The following TRAK1 variants were observed in gnomAD, a reference collection of about 807,000 sequenced individuals.
TRAK1 encodes trafficking kinesin protein 1.
TRAK1 carries 33 observed loss-of-function variants against 92.1 expected under a neutral mutation model. The ratio of observed to expected loss-of-function variants is 0.36; its 90% confidence interval spans 0.27 to 0.48. TRAK1 has a LOEUF of 0.48. Ranked by LOEUF, TRAK1 falls within the 20% of genes least tolerant of loss-of-function variation. The pLI is 0.99. For synonymous variants in TRAK1, 521 were observed against 517.3 expected, an observed-to-expected ratio of 1.01 and a Z score of -0.10; for missense variants, 1,123 against 1,257.9, an observed-to-expected ratio of 0.89 and a Z score of 1.62.
intron 1 of TRAK1, among the ~76,000 whole-genome samples, chr3:42,107,110 G>C (rs1167858003): frequency 1.3e-5 from 2 of 152,204 alleles, no homozygotes; most frequent in African/African-American, 4.8e-5. Context: ...CAGGGGGAGG[G>C]ATGTGGGCCT....
intron 14 of TRAK1, chr3:42,211,931 G>A (rs1709094619): frequency 1.0e-6 from 1 of 985,262 alleles, no homozygotes; most frequent in Non-Finnish European, 1.2e-6. Context: ...AATTACCTAG[G>A]TTGCCAAAGG....
chr3:42,210,848 C>T, intron 14 of TRAK1: 1 of 982,190 alleles, frequency 1.0e-6, no homozygotes, highest in Non-Finnish European at 1.2e-6. Context: ...TGACTCCACC[C>T]ACTGTCCCCA....
rs759238854 is a variant in TRAK1, at chr3:42,202,461, G to A, written c.1453G>A (p.Gly485Arg). Residue 485 changes from glycine (G) to arginine (R), a missense_variant, in exon 13 of 16, where the codon GGG (glycine) becomes AGG (arginine). Around this residue, in one of 3 missense-constraint regions of TRAK1, gnomAD observed 686 missense variants for 747.6 expected, o/e 0.92. Transcript: ENST00000327628. The surrounding 1 kb of genome is among the most constrained non-coding windows in gnomAD (Gnocchi z 6.1). ...AAACGATGAGCGGAGTAAGAAGCCG[G>A]GGACGCCGGGCACCCCAGGCTCCCA... ...LGNDERSKKPGTPGTPGSHDL... is the reference protein window; with the variant it reads ...LGNDERSKKPRTPGTPGSHDL... 2 of 1,486,792 alleles carry A rather than the reference G, an allele frequency of 1.3e-6. No individual in the cohort carries two copies. The highest frequency in any genetic ancestry group is 4.6e-5 in the Admixed American group (2 of 43,454). 92.1% of individuals were successfully genotyped at this position (1,486,792 alleles called of 1,614,324 possible).
chr3:42,049,132 A>G (rs919867922), intron 1 of TRAK1, among the ~76,000 whole-genome samples: 2 of 152,096 alleles, frequency 1.3e-5, no homozygotes, highest in African/African-American at 4.8e-5. Context: ...CAAGTGATCC[A>G]CTCACTTTGG....
chr3:42,111,186 CG>C (rs1708348566), intron 1 of TRAK1, among the ~76,000 whole-genome samples: 1 of 152,056 alleles, frequency 6.6e-6, no homozygotes, highest in South Asian at 2.1e-4. Context: ...AAATCTGAGA[CG>C]GTGAAAAAAG....
intron 1 of TRAK1, among the ~76,000 whole-genome samples, chr3:42,068,643 C>G (rs1043210901): frequency 1.3e-5 from 2 of 152,176 alleles, no homozygotes; most frequent in African/African-American, 4.8e-5. Flanking sequence ...TATAATTCGT[C>G]TCTACTTGAA....
chr3:42,018,996 C>A (rs1043782278), intron 1 of TRAK1, among the ~76,000 whole-genome samples: 1 of 152,040 alleles, frequency 6.6e-6, no homozygotes, highest in Admixed American at 6.6e-5. Flanking sequence ...CTGGTGGACG[C>A]CTGTAATCCC....
At chr3:42,218,528 A>T (rs1709972984) in intron 14 of TRAK1, 1 of 982,896 alleles carries the variant, frequency 1.0e-6, no homozygotes, top group Admixed American at 6.2e-5. Context: ...TTATTTTATT[A>T]TTATTTTTTT....
intron 1 of TRAK1, among the ~76,000 whole-genome samples, chr3:42,020,840 T>TC (rs1338934959): frequency 6.6e-6 from 1 of 152,184 alleles, no homozygotes; most frequent in Non-Finnish European, 1.5e-5. Context: ...CTGTTGGACT[T>TC]CCAGTTGGGG....
chr3:42,219,216 G>T lies in TRAK1; in HGVS notation c.1964-278G>T, dbSNP rs552725590. Reference sequence around the variant, plus strand: ...CCACCCCCCTCGCCTCCCACCCCCAGACTGGATCCACTACTGGCCCAAGAA... The same window carrying T: ...CCACCCCCCTCGCCTCCCACCCCCATACTGGATCCACTACTGGCCCAAGAA... On this transcript the variant is annotated intron_variant, in intron 14 of 15. Transcript: ENST00000327628. 6.7e-5 allele frequency: 64 copies of T among 952,058 alleles called. 1 individual carries two copies. In the African/African-American group the frequency reaches 1.2e-3, roughly 18 times the overall value. The allele number at this position is 952,058 out of a possible 1,614,324, so 59.0% of individuals were successfully genotyped here.
At chr3:42,140,254 G>C (rs557405751) in intron 2 of TRAK1, among the ~76,000 whole-genome samples, 2 of 152,154 alleles carry the variant, frequency 1.3e-5, no homozygotes, top group African/African-American at 4.8e-5. Context: ...GGTTTGGGAG[G>C]GGGTAGTTGA....
chr3:42,220,143 G>A (rs959214824), intron 15 of TRAK1, among the ~76,000 whole-genome samples: 2 of 152,064 alleles, frequency 1.3e-5, no homozygotes, highest in Non-Finnish European at 2.9e-5. Context: ...GAGTTACTGA[G>A]CCCTGTGGAA....
At chr3:42,148,356 C>T (rs1039251420) in intron 2 of TRAK1, among the ~76,000 whole-genome samples, 1 of 152,000 alleles carries the variant, frequency 6.6e-6, no homozygotes, top group African/African-American at 2.4e-5. Flanking sequence ...GTTGAGAGAC[C>T]CTGCTTTAGG....
At chr3:42,147,515 C>T (rs1443087711) in intron 2 of TRAK1, among the ~76,000 whole-genome samples, 2 of 152,212 alleles carry the variant, frequency 1.3e-5, no homozygotes, top group African/African-American at 4.8e-5. Context: ...CAAAATTCAT[C>T]ATCAGCATCA....
chr3:42,016,610 C>T lies in TRAK1; in HGVS notation c.-519+2493C>T, dbSNP rs1479085353. 2.0e-5 allele frequency among the ~76,000 whole-genome samples: 3 copies of T among 152,228 alleles called. No individual in the cohort carries two copies. In the South Asian group the frequency reaches 6.2e-4, roughly 31 times the overall value. Reference sequence around the variant, plus strand: ...CCATCTGGGCTCTCCATCTTGACTTCGTGCTCCCAAGGTAGAGAACAGACC... The same window carrying T: ...CCATCTGGGCTCTCCATCTTGACTTTGTGCTCCCAAGGTAGAGAACAGACC... On this transcript the variant is annotated intron_variant, in intron 1 of 16. Transcript: ENST00000487159.
At chr3:42,162,851 A>G (rs187662700) in intron 2 of TRAK1, among the ~76,000 whole-genome samples, 332 of 152,312 alleles carry the variant, frequency 2.2e-3, no homozygotes, top group Non-Finnish European at 3.5e-3. Flanking sequence ...ATCAGGGGCC[A>G]CTGTTAAATT....
intron 1 of TRAK1, among the ~76,000 whole-genome samples, chr3:42,034,502 C>T (rs140503326): frequency 3.0e-4 from 45 of 152,162 alleles, no homozygotes; most frequent in Non-Finnish European, 5.4e-4. Flanking sequence ...CATGTTGTCC[C>T]GGATGGTCTA....
At chr3:42,059,496 A>G (rs1319622027) in intron 1 of TRAK1, among the ~76,000 whole-genome samples, 1 of 152,216 alleles carries the variant, frequency 6.6e-6, no homozygotes, top group Admixed American at 6.5e-5. Flanking sequence ...AGTGGCTAAA[A>G]GAGAACTGTG....
intron 2 of TRAK1, among the ~76,000 whole-genome samples, chr3:42,168,157 A>G (rs1160666519): frequency 6.6e-6 from 1 of 152,220 alleles, no homozygotes; most frequent in Non-Finnish European, 1.5e-5. Flanking sequence ...ACAATTTTCT[A>G]ATTTTAAAAT....
Sources: allele counts gnomAD v4.1 joint callset (sites outside exome capture counted in the v4.1 genomes callset), GRCh38; gene constraint gnomAD v4.1.1; regional missense constraint gnomAD v4.1.1; non-coding constraint Gnocchi (gnomAD v3.1); transcripts MANE v1.5; gene names NCBI Gene and HGNC (gene_info 2026-07-23, HGNC 2026-07-21).